Variants in HDAC9 observed in about 807,000 individuals in gnomAD.
HDAC9 encodes the protein histone deacetylase 9, also known as MEF-2 interacting transcription repressor (MITR) protein.
A neutral mutation model predicts 139.4 loss-of-function variants in HDAC9; 41 were observed. That is an observed-to-expected ratio of 0.29 (90% confidence interval 0.23 to 0.38). The LOEUF is 0.38. Among genes scored for constraint, HDAC9 ranks in the 10% least tolerant of loss-of-function variants. The probability of loss-of-function intolerance (pLI) is 1.00; values close to 1 mark genes in which losing one functional copy is unlikely to be tolerated. For synonymous variants in HDAC9, 517 were observed against 476.2 expected (o/e 1.09, Z -1.12); for missense variants, 1,147 against 1,297.0 (o/e 0.88, Z 1.78).
At chr7:18,896,186 G>C (rs959116059) in intron 22 of HDAC9, among the ~76,000 whole-genome samples, 1 of 151,860 alleles carries the variant, frequency 6.6e-6, no homozygotes, top group Admixed American at 6.6e-5. Context: ...TCTTATTTAT[G>C]TTTCAAAAAT....
intron 16 of HDAC9, among the ~76,000 whole-genome samples, chr7:18,776,265 A>G (rs532532145): frequency 1.1e-4 from 17 of 152,134 alleles, no homozygotes; most frequent in African/African-American, 4.1e-4. Flanking sequence ...AAGAGCTAGG[A>G]AGCGCAGTAT....
chr7:18,631,101 C>T (rs189036566), intron 7 of HDAC9, among the ~76,000 whole-genome samples: 23 of 152,070 alleles, frequency 1.5e-4, no homozygotes, highest in East Asian at 1.2e-3. Context: ...CTTTTTCTTC[C>T]GTACCAAATT....
At chr7:18,198,246 GA>G (rs1790861264) in intron 2 of HDAC9, among the ~76,000 whole-genome samples, 1 of 151,942 alleles carries the variant, frequency 6.6e-6, no homozygotes, top group South Asian at 2.1e-4. Flanking sequence ...GACTTTTAAA[GA>G]AAATCTCTTA....
chr7:18,669,795 T>C (rs1441556436), intron 12 of HDAC9, among the ~76,000 whole-genome samples: 2 of 151,804 alleles, frequency 1.3e-5, no homozygotes, highest in East Asian at 1.9e-4. Context: ...TTAGAAAAAA[T>C]AGTTATTGCC....
chr7:18,707,854 AGTGTGTGTGT>A (rs61496259), intron 12 of HDAC9, among the ~76,000 whole-genome samples: 2 of 149,552 alleles, frequency 1.3e-5, no homozygotes, highest in South Asian at 2.1e-4. Flanking sequence ...AGGGGAAAGG[AGTGTGTGTGT>A]GTGTGTGTGT....
chr7:18,180,426 A>G (rs1014874045), intron 2 of HDAC9, among the ~76,000 whole-genome samples: 5 of 151,684 alleles, frequency 3.3e-5, no homozygotes, highest in African/African-American at 1.2e-4. Context: ...TTTTTTTCCA[A>G]ATCAGCTAAG....
chr7:18,417,111 C>T (rs1163790581), intron 1 of HDAC9, among the ~76,000 whole-genome samples: 1 of 152,118 alleles, frequency 6.6e-6, no homozygotes, highest in Non-Finnish European at 1.5e-5. Flanking sequence ...GGCCCACTGA[C>T]TTTTTATTAT....
At chr7:18,957,263 T>G (rs1164505117) in intron 24 of HDAC9, among the ~76,000 whole-genome samples, 1 of 152,146 alleles carries the variant, frequency 6.6e-6, no homozygotes, top group Non-Finnish European at 1.5e-5. Flanking sequence ...TAACTATGTG[T>G]CTTAGGGGCC....
intron 1 of HDAC9, among the ~76,000 whole-genome samples, chr7:18,475,834 C>G (rs756255629): frequency 1.2e-4 from 19 of 152,312 alleles, no homozygotes; most frequent in Non-Finnish European, 2.2e-4. Flanking sequence ...CCACTAAAAT[C>G]ACTAATAATC....
In HDAC9 at chr7:18,299,220, A is replaced by ATT. The variant is rs11438085; in HGVS notation, c.-42+8721_-42+8722dup. On this transcript the variant is annotated intron_variant, in intron 1 of 3. Transcript: ENST00000413509. ...GCACCTTGGCTGTACAACTCTTAAGATTTTTTTTTTTTTTTTTGCAACACT... is the reference window on the plus strand; with the variant it reads ...GCACCTTGGCTGTACAACTCTTAAGATTTTTTTTTTTTTTTTTTTGCAACACT... Among the ~76,000 whole-genome samples the ATT allele has an allele frequency of 9.9e-3, 1,374 of 138,988 alleles. 10 individuals are homozygous for ATT. The highest frequency in any genetic ancestry group is 0.015 in the African/African-American group (556 of 37,810). 91.2% of individuals were successfully genotyped at this position (138,988 alleles called of 152,430 possible). A position where few individuals can be genotyped will look rare whatever the true frequency, so the allele number is the denominator to read the frequency against.
upstream of HDAC9, among the ~76,000 whole-genome samples, chr7:18,491,902 C>T (rs976488207): frequency 1.1e-4 from 16 of 151,944 alleles, no homozygotes; most frequent in African/African-American, 2.9e-4. Flanking sequence ...AGCACCCTCA[C>T]AGACACACCC....
chr7:18,480,402 G>A (rs539665612), intron 1 of HDAC9, among the ~76,000 whole-genome samples: 7 of 152,314 alleles, frequency 4.6e-5, no homozygotes, highest in African/African-American at 1.7e-4. Context: ...CAGAGACAAT[G>A]TGCTGTACAA....
Position 18,948,775 on chromosome 7 carries a change from G to A in HDAC9, c.2938-5371G>A, listed in dbSNP as rs990323930. The A allele has an allele frequency of 4.5e-5, 8 of 178,008 alleles. No homozygotes were observed. In the Admixed American group the frequency reaches 5.0e-4, roughly 11 times the overall value. The allele number at this position is 178,008 out of a possible 1,614,324, so 11.0% of individuals were successfully genotyped here. ...AACACATTCTTGGCAATGGAACCTGGACAACATTTATCAGATATGGTATGT... is the reference window on the plus strand; with the variant it reads ...AACACATTCTTGGCAATGGAACCTGAACAACATTTATCAGATATGGTATGT... On this transcript the variant is annotated intron_variant, in intron 23 of 25. Transcript: ENST00000686413.
chr7:18,122,087 CAGTAATTAT>C (rs1189267123), intron 1 of HDAC9, among the ~76,000 whole-genome samples: 1 of 152,108 alleles, frequency 6.6e-6, no homozygotes, highest in African/African-American at 2.4e-5. Context: ...GTACAAGTAA[CAGTAATTAT>C]AGTATTGAAA....
At chr7:18,118,081 T>A (rs1459948848) in intron 1 of HDAC9, among the ~76,000 whole-genome samples, 4 of 152,212 alleles carry the variant, frequency 2.6e-5, no homozygotes, top group African/African-American at 9.7e-5. Context: ...AACCAACATT[T>A]ATGGGAGTTT....
intron 2 of HDAC9, among the ~76,000 whole-genome samples, chr7:18,164,647 T>C (rs1279412084): frequency 1.3e-5 from 2 of 152,230 alleles, no homozygotes; most frequent in Non-Finnish European, 2.9e-5. Flanking sequence ...ATTAACATCA[T>C]TCTTAGAAAC....
At chr7:18,636,527 C>G (rs1488628869) in intron 8 of HDAC9, among the ~76,000 whole-genome samples, 1 of 152,056 alleles carries the variant, frequency 6.6e-6, no homozygotes, top group Admixed American at 6.6e-5. Flanking sequence ...TCAAAAATTT[C>G]CCTCAAATAA....
At chr7:18,639,925 C>G (rs1785045794) in intron 8 of HDAC9, among the ~76,000 whole-genome samples, 1 of 151,990 alleles carries the variant, frequency 6.6e-6, no homozygotes, top group Non-Finnish European at 1.5e-5. Context: ...AGTGGGAGAG[C>G]TCAAGTATAA....
chr7:18,155,863 A>G (rs1230812166), intron 1 of HDAC9, among the ~76,000 whole-genome samples: 1 of 152,132 alleles, frequency 6.6e-6, no homozygotes, highest in African/African-American at 2.4e-5. Flanking sequence ...CTTTGCCAGC[A>G]TGTTTGGTGA....
Sources: allele counts gnomAD v4.1 joint callset (sites outside exome capture counted in the v4.1 genomes callset), GRCh38; gene constraint gnomAD v4.1.1; transcripts MANE v1.5; gene names NCBI Gene and HGNC (gene_info 2026-07-23, HGNC 2026-07-21).